Variants in SAMD12 observed in about 807,000 individuals in gnomAD.
The protein encoded by SAMD12 is sterile alpha motif domain-containing protein 12.
SAMD12 carries 9 observed loss-of-function variants against 15.0 expected under a neutral mutation model. The ratio of observed to expected loss-of-function variants is 0.60; its 90% confidence interval spans 0.36 to 1.05. The LOEUF (loss-of-function observed/expected upper bound fraction) is 1.05, where lower values mean the gene tolerates loss of function less well. Among genes scored for constraint, SAMD12 ranks in the 50% least tolerant of loss-of-function variants. The probability of loss-of-function intolerance (pLI) is 0.01; values close to 1 mark genes in which losing one functional copy is unlikely to be tolerated. For synonymous variants in SAMD12, 86 were observed against 90.1 expected (o/e 0.96, Z 0.25); for missense variants, 230 against 234.2 (o/e 0.98, Z 0.12).
intron 2 of SAMD12, among the ~76,000 whole-genome samples, chr8:118,509,150 A>C (rs570445143): frequency 6.6e-6 from 1 of 152,184 alleles, no homozygotes; most frequent in Non-Finnish European, 1.5e-5. Flanking sequence ...CATTCTGAAG[A>C]GGCAAAAAGA....
At chr8:118,398,116 T>G (rs183540426) in intron 3 of SAMD12, among the ~76,000 whole-genome samples, 42 of 152,222 alleles carry the variant, frequency 2.8e-4, no homozygotes, top group African/African-American at 8.7e-4. Flanking sequence ...ATAATATGAC[T>G]ATTGCCCAGG....
Position 118,226,025 on chromosome 8 carries a change from C to G in SAMD12, c.434-28293G>C, listed in dbSNP as rs866239754. ...TGGGTCACAGAGATGCATATGTACA[C>G]AGTAGGAAGACAAAAGGACTCAGGC... On this transcript the variant is annotated intron_variant, in intron 4 of 4. Coordinates refer to the SAMD12 transcript ENST00000409003. 3.9e-5 allele frequency among the ~76,000 whole-genome samples: 6 copies of G among 152,288 alleles called. No individual in the cohort carries two copies. In the South Asian group the frequency reaches 1.2e-3, roughly 32 times the overall value.
intron 4 of SAMD12, among the ~76,000 whole-genome samples, chr8:118,247,268 C>T (rs534170704): frequency 5.9e-5 from 9 of 151,828 alleles, no homozygotes; most frequent in South Asian, 2.1e-4. Context: ...AGGAGGGGCA[C>T]GGATAGGGAA....
intron 2 of SAMD12, among the ~76,000 whole-genome samples, chr8:118,510,680 T>C (rs7008661): frequency 0.037 from 5,640 of 152,208 alleles, 360 homozygotes; most frequent in African/African-American, 0.12. Context: ...TGGCACCTGT[T>C]GGTCAGATTT....
chr8:118,483,749 T>C (rs1824196375), intron 2 of SAMD12, among the ~76,000 whole-genome samples: 1 of 152,224 alleles, frequency 6.6e-6, no homozygotes, highest in Non-Finnish European at 1.5e-5. Context: ...CAGGGTCAGA[T>C]GCTCTGCCAG....
At chr8:118,327,998 T>C in intron 4 of SAMD12, among the ~76,000 whole-genome samples, 1 of 152,248 alleles carries the variant, frequency 6.6e-6, no homozygotes, top group Non-Finnish European at 1.5e-5. Context: ...AGATACTATA[T>C]ATTTATAAGC....
At chr8:118,173,152 T>C in the SAMD12 span, among the ~76,000 whole-genome samples, 1 of 152,242 alleles carries the variant, frequency 6.6e-6, no homozygotes, top group Non-Finnish European at 1.5e-5. Context: ...TGGTTTAGAA[T>C]GCAACCTCCT....
intron 1 of SAMD12, among the ~76,000 whole-genome samples, chr8:118,581,210 C>T (rs533724879): frequency 2.0e-5 from 3 of 152,274 alleles, no homozygotes; most frequent in East Asian, 3.9e-4. Flanking sequence ...TTCCCACACA[C>T]GCAATCATGC....
the SAMD12 span, among the ~76,000 whole-genome samples, chr8:118,178,626 C>A: frequency 1.3e-5 from 2 of 152,058 alleles, no homozygotes; most frequent in Admixed American, 6.5e-5. Context: ...CCACCATTCC[C>A]AGCTAAATTT....
At chr8:118,166,868 G>T in the SAMD12 span, among the ~76,000 whole-genome samples, 1 of 152,100 alleles carries the variant, frequency 6.6e-6, no homozygotes. Context: ...GTATATCTGG[G>T]TGTCTCTAGG....
At chr8:118,373,496 G>T (rs1456508297), downstream of SAMD12, among the ~76,000 whole-genome samples, 1 of 152,074 alleles carries the variant, frequency 6.6e-6, no homozygotes, top group Admixed American at 6.6e-5. Context: ...AGTCTTCTTG[G>T]ATTAGAAAGT....
chr8:118,320,667 T>TGGGGTGGGG (rs1816189623), intron 4 of SAMD12, among the ~76,000 whole-genome samples: 1 of 3,646 alleles, frequency 2.7e-4, no homozygotes, highest in Admixed American at 3.1e-3. Flanking sequence ...GGGCCTGTCG[T>TGGGGTGGGG]GGGGTGGGGG....
intron 4 of SAMD12, among the ~76,000 whole-genome samples, chr8:118,226,144 A>G (rs574631883): frequency 7.6e-4 from 115 of 152,314 alleles, no homozygotes; most frequent in Non-Finnish European, 1.2e-3. Flanking sequence ...CTCACAAACC[A>G]TTTGTACACG....
At chr8:118,141,948 C>T in the SAMD12 span, among the ~76,000 whole-genome samples, 1 of 152,178 alleles carries the variant, frequency 6.6e-6, no homozygotes, top group African/African-American at 2.4e-5. Flanking sequence ...CTCCCTGGGA[C>T]AGTTATCAAA....
intron 1 of SAMD12, among the ~76,000 whole-genome samples, chr8:118,594,715 T>A (rs1368423028): frequency 6.6e-6 from 1 of 151,396 alleles, no homozygotes; most frequent in Non-Finnish European, 1.5e-5. Context: ...GACATCTGAA[T>A]TTTTTTTTCA....
At chr8:118,213,745 A>G (rs1041474852) in intron 4 of SAMD12, among the ~76,000 whole-genome samples, 9 of 152,168 alleles carry the variant, frequency 5.9e-5, no homozygotes, top group Non-Finnish European at 2.9e-5. Context: ...GACAGCCTAG[A>G]TCTGCTGACT....
At chr8:118,179,790 G>A in the SAMD12 span, among the ~76,000 whole-genome samples, 4 of 152,142 alleles carry the variant, frequency 2.6e-5, no homozygotes, top group African/African-American at 9.7e-5. Flanking sequence ...GACTAGGCAG[G>A]ATTTTTGGAT....
the SAMD12 span, among the ~76,000 whole-genome samples, chr8:118,135,184 T>C: frequency 6.6e-6 from 1 of 152,280 alleles, no homozygotes; most frequent in Admixed American, 6.5e-5. Flanking sequence ...TAGTGTTTCT[T>C]TTTTGTTTTT....
At chr8:118,456,306 T>C (rs1248903763) in intron 2 of SAMD12, among the ~76,000 whole-genome samples, 1 of 152,228 alleles carries the variant, frequency 6.6e-6, no homozygotes, top group Non-Finnish European at 1.5e-5. Context: ...ACATCATTTC[T>C]GCAGGGTCGT....
Sources: gnomAD v4.1 joint callset for allele counts (sites outside exome capture counted in the v4.1 genomes callset) on GRCh38, gnomAD v4.1.1 for gene constraint, MANE v1.5 for transcripts, NCBI Gene and HGNC (gene_info 2026-07-23, HGNC 2026-07-21) for gene names.